The following ALPI variants were observed in gnomAD, a reference collection of about 807,000 sequenced individuals.
The protein encoded by ALPI is intestinal-type alkaline phosphatase.
In ALPI, 50 loss-of-function variants were observed where a neutral mutation model predicts 51.5. The ratio of observed to expected loss-of-function variants is 0.97; its 90% CI spans 0.77 to 1.23. ALPI has a LOEUF of 1.23. Ranked by LOEUF, ALPI falls within the 50% of genes most tolerant of loss-of-function variation. ALPI has a pLI of 0.00. For synonymous variants in ALPI, 322 were observed against 308.2 expected, an observed-to-expected ratio of 1.04 and a Z score of -0.47; for missense variants, 692 against 722.4, an observed-to-expected ratio of 0.96 and a Z score of 0.48.
Position 232,457,119 on chromosome 2 carries a change from G to A in ALPI, c.476-31G>A, listed in dbSNP as rs544909178. 19 of 1,613,326 alleles carry A rather than the reference G, an allele frequency of 1.2e-5. No homozygotes were observed. Among genetic ancestry groups the A allele is most frequent in the South Asian group, 8.8e-5 (8 of 91,066 alleles). On this transcript the variant is annotated intron_variant, in intron 4 of 10. Transcript: ENST00000295463. The surrounding 1 kb of genome is among the most constrained non-coding windows in gnomAD (Gnocchi z 4.7). ...GGGTCAGGACCAGGCCCAAGATCTC[G>A]GTCACCGATCCTGACCTCTGTCACC... is the stretch of plus-strand genomic sequence containing the variant.
Position 232,457,576 on chromosome 2 carries a change from C to G in ALPI, c.660C>G (p.Gly220=). 6.2e-7 allele frequency: 1 copy of G among 1,610,296 alleles called. No individual in the cohort carries two copies. The highest frequency in any genetic ancestry group is 8.5e-7 in the Non-Finnish European group (1 of 1,178,018). Residue 220 remains glycine, a synonymous_variant, in exon 6 of 11, where the codon GGC becomes GGG. Transcript: ENST00000295463. The surrounding 1 kb of genome is among the most constrained non-coding windows in gnomAD (Gnocchi z 4.7). ...ISNMDIDVIL[G]GGRKYMFPMG... is the part of the protein sequence containing the mutation. ...TCCATTGTCCTCAGGTGATCCTTGG[C>G]GGAGGCCGCAAGTACATGTTTCCCA...
Position 232,458,874 on chromosome 2 carries a change from C to T in ALPI, c.1315C>T (p.Gln439Ter), listed in dbSNP as rs200403345. The T allele has an allele frequency of 9.8e-5, 158 of 1,610,186 alleles. 1 individual carries two copies. The highest frequency in any genetic ancestry group is 1.5e-5 in the Non-Finnish European group (18 of 1,178,848). Residue 439 changes from glutamine (Q) to a stop codon, truncating the protein, a stop_gained, in exon 11 of 11, where the codon CAG becomes TAG. Transcript: ENST00000295463. LOFTEE classifies it low-confidence loss of function (END_TRUNC). ...NESESGSPDY[Q>*]QQAAVPLSSE... ...CCTCCTACCAGGGAGCCCCGATTAC[C>T]AGCAGCAGGCGGCGGTGCCCCTGTC...
In ALPI at chr2:232,458,224, C is replaced by T. The variant is rs1178192120; in HGVS notation, c.999C>T (p.Arg333=). 6.2e-7 allele frequency: 1 copy of T among 1,614,096 alleles called. No homozygotes were observed. Among genetic ancestry groups the T allele is most frequent in the African/African-American group, 1.3e-5 (1 of 75,050 alleles). ...RGFYLFVEGG[R]IDHGHHEGVA... Reference sequence around the variant, plus strand: ...CCTCTGGCCTTCCTGCAGGCGGCCGCATCGACCATGGTCATCATGAGGGTG... The same window carrying T: ...CCTCTGGCCTTCCTGCAGGCGGCCGTATCGACCATGGTCATCATGAGGGTG... The change falls in exon 9 of 11, where the codon CGC becomes CGT. Residue 333 remains arginine, a synonymous_variant. Coordinates refer to ENST00000295463, the MANE Select transcript of ALPI (RefSeq NM_001631.5).
Position 232,457,562 on chromosome 2 carries a change from C to G in ALPI, c.649-3C>G. On this transcript the variant is annotated splice_region_variant and splice_polypyrimidine_tract_variant and intron_variant, in intron 5 of 10. Transcript: ENST00000295463. This position sits in a 1 kb window ranked among gnomAD's most constrained non-coding sequence, Gnocchi z 4.7. ...AACCACCTGCCCCATCCATTGTCCTCAGGTGATCCTTGGCGGAGGCCGCAA... is the reference window on the plus strand; with the variant it reads ...AACCACCTGCCCCATCCATTGTCCTGAGGTGATCCTTGGCGGAGGCCGCAA... 6.2e-7 allele frequency: 1 copy of G among 1,606,482 alleles called. No homozygotes were observed. The highest frequency in any genetic ancestry group is 8.5e-7 in the Non-Finnish European group (1 of 1,176,040).
In ALPI at chr2:232,456,397, T is replaced by A; in HGVS notation, c.116T>A (p.Leu39Gln). Reference protein sequence around the residue: ...AFWNRQAAEALDAAKKLQPIQ... With the variant: ...AFWNRQAAEAQDAAKKLQPIQ... The stretch of plus-strand genomic sequence containing the variant: ...TGGAACCGCCAGGCAGCTGAGGCCC[T>A]GGATGCTGCCAAGAAGCTGCAGCCC... The change falls in exon 2 of 11, where the codon CTG becomes CAG. Residue 39 changes from leucine to glutamine, a missense_variant. Transcript: ENST00000295463. The surrounding 1 kb of genome is among the most constrained non-coding windows in gnomAD (Gnocchi z 4.2). 1 of 1,614,082 alleles carries A rather than the reference T, an allele frequency of 6.2e-7. No homozygotes were observed. The highest frequency in any genetic ancestry group is 8.5e-7 in the Non-Finnish European group (1 of 1,180,016).
Position 232,459,000 on chromosome 2 carries a change from A to G in ALPI, c.1441A>G (p.Met481Val). Residue 481 changes from methionine to valine, a missense_variant, in exon 11 of 11, where the codon ATG becomes GTG. By Grantham distance (21) the Met-to-Val change is conservative (BLOSUM62 1). Transcript: ENST00000295463. ...VQEQSFVAHV[M>V]AFAACLEPYT... is the part of the protein sequence containing the mutation. The stretch of plus-strand genomic sequence containing the variant: ...GGAGCAGAGCTTCGTAGCGCATGTC[A>G]TGGCCTTCGCTGCCTGTCTGGAGCC... 6.4e-7 allele frequency: 1 copy of G among 1,574,476 alleles called. No homozygotes were observed.
Position 232,459,088 on chromosome 2 carries a change from C to T in ALPI, c.1529C>T (p.Ala510Val). ...ACCGACGCCGCGCACCCAGTTGCCGCGTCGCTGCCACTGCTGGCCGGGACC... is the reference window on the plus strand; with the variant it reads ...ACCGACGCCGCGCACCCAGTTGCCGTGTCGCTGCCACTGCTGGCCGGGACC... ...CTTDAAHPVA[A>V]SLPLLAGTLL... The change falls in exon 11 of 11, where the codon GCG becomes GTG. Residue 510 changes from alanine to valine, a missense_variant. Coordinates refer to ENST00000295463, the MANE Select transcript of ALPI (RefSeq NM_001631.5). 4 of 1,542,158 alleles carry T rather than the reference C, an allele frequency of 2.6e-6. No individual in the cohort carries two copies. The highest frequency in any genetic ancestry group is 3.5e-6 in the Non-Finnish European group (4 of 1,146,512).
rs61732032 is a variant in ALPI at position 232,456,931 on chromosome 2, C to A, written c.333C>A (p.Ser111Arg). The change falls in exon 4 of 11, where the codon AGC becomes AGA. Residue 111 changes from serine to arginine, a missense_variant. Ser to Arg is a moderately radical substitution (Grantham distance 110). Coordinates refer to ENST00000295463, the MANE Select transcript of ALPI (RefSeq NM_001631.5). This position sits in a 1 kb window ranked among gnomAD's most constrained non-coding sequence, Gnocchi z 4.2. ...ATGTGGACAGACAGGTGCCAGACAG[C>A]GCAGCCACAGCCACGGCCTACCTGT... is the stretch of plus-strand genomic sequence containing the variant. ...TYNVDRQVPDSAATATAYLCG... is the reference protein window; with the variant it reads ...TYNVDRQVPDRAATATAYLCG... 1 of 1,613,442 alleles carries A rather than the reference C, an allele frequency of 6.2e-7. No individual in the cohort carries two copies. The highest frequency in any genetic ancestry group is 2.2e-5 in the East Asian group (1 of 44,854).
In ALPI at chr2:232,457,023, C is replaced by A. The variant is rs142255168; in HGVS notation, c.425C>A (p.Thr142Lys). Reference protein sequence around the residue: ...SAAARFNQCNTTRGNEVISVM... With the variant: ...SAAARFNQCNKTRGNEVISVM... Reference sequence around the variant, plus strand: ...GCCGCCCGCTTTAACCAGTGCAACACGACACGCGGCAATGAGGTCATCTCC... The same window carrying A: ...GCCGCCCGCTTTAACCAGTGCAACAAGACACGCGGCAATGAGGTCATCTCC... Residue 142 changes from threonine to lysine, a missense_variant, in exon 4 of 11, where the codon ACG (threonine) becomes AAG (lysine). Thr to Lys is a moderately conservative substitution (Grantham distance 78, BLOSUM62 -1). Coordinates refer to ENST00000295463, the MANE Select transcript of ALPI (RefSeq NM_001631.5). This position sits in a 1 kb window ranked among gnomAD's most constrained non-coding sequence, Gnocchi z 4.7. The A allele has an allele frequency of 1.9e-6, 3 of 1,613,612 alleles. No homozygotes were observed. Among genetic ancestry groups the A allele is most frequent in the East Asian group, 2.2e-5 (1 of 44,874 alleles).
Position 232,459,184 on chromosome 2 carries a change from G to A in ALPI, c.*38G>A. ...GGAGTTATCCTGCTCCCCACCTCCG[G>A]GCGTCCTGCCCTGTTCCCCGTCCTG... On this transcript the variant is annotated 3_prime_UTR_variant, in exon 11 of 11. Coordinates refer to ENST00000295463, the MANE Select transcript of ALPI (RefSeq NM_001631.5). 6 of 1,510,732 alleles carry A rather than the reference G, an allele frequency of 4.0e-6. No individual in the cohort carries two copies. The highest frequency in any genetic ancestry group is 5.3e-6 in the Non-Finnish European group (6 of 1,135,384). The allele number at this position is 1,510,732 out of a possible 1,614,324, so 93.6% of individuals were successfully genotyped here.
In ALPI at chr2:232,459,782, A is replaced by G. The variant is rs535145795; in HGVS notation, c.*636A>G. 7.9e-5 allele frequency: 12 copies of G among 152,706 alleles called. No homozygotes were observed. Among genetic ancestry groups the G allele is most frequent in the African/African-American group, 2.4e-4 (10 of 41,562 alleles). The allele number at this position is 152,706 out of a possible 1,614,324, so 9.5% of individuals were successfully genotyped here. A position where few individuals can be genotyped will look rare whatever the true frequency, so the allele number is the denominator to read the frequency against. Reference sequence around the variant, plus strand: ...ACCCCTGCACCTGACCAAGGGACCAATGAGGCAGAGGCTTGCCCCAAGTCA... The same window carrying G: ...ACCCCTGCACCTGACCAAGGGACCAGTGAGGCAGAGGCTTGCCCCAAGTCA... On this transcript the variant is annotated 3_prime_UTR_variant, in exon 11 of 11. Coordinates refer to ENST00000295463, the MANE Select transcript of ALPI (RefSeq NM_001631.5).
chr2:232,457,115 T>A lies in ALPI; in HGVS notation c.476-35T>A. 6.2e-7 allele frequency: 1 copy of A among 1,613,218 alleles called. No homozygotes were observed. Among genetic ancestry groups the A allele is most frequent in the South Asian group, 1.1e-5 (1 of 91,068 alleles). On this transcript the variant is annotated intron_variant, in intron 4 of 10. Transcript: ENST00000295463. The surrounding 1 kb of genome is among the most constrained non-coding windows in gnomAD (Gnocchi z 4.7). ...TGTGGGGTCAGGACCAGGCCCAAGATCTCGGTCACCGATCCTGACCTCTGT... is the reference window on the plus strand; with the variant it reads ...TGTGGGGTCAGGACCAGGCCCAAGAACTCGGTCACCGATCCTGACCTCTGT...
chr2:232,460,222 G>C lies in ALPI; in HGVS notation c.*1076G>C, dbSNP rs890423879. On this transcript the variant is annotated 3_prime_UTR_variant, in exon 11 of 11. Transcript: ENST00000295463. ...TGGGGCAGTGTCAGCAGGTGCTCTG[G>C]GAGGCCAAGGGCTGGATCAGAGGGG... Among the ~76,000 whole-genome samples the C allele has an allele frequency of 6.6e-6, 1 of 150,656 alleles. No homozygotes were observed. The highest frequency in any genetic ancestry group is 2.5e-5 in the African/African-American group (1 of 40,808).
In ALPI at chr2:232,457,887, C is replaced by T; in HGVS notation, c.856+20C>T. 1.2e-6 allele frequency: 2 copies of T among 1,613,532 alleles called. No homozygotes were observed. Among genetic ancestry groups the T allele is most frequent in the East Asian group, 2.2e-5 (1 of 44,864 alleles). ...TCATGGGTAATGACCCCCTTCCTGC[C>T]CTGGCATTCCTCAGACAACCTCAGA... On this transcript the variant is annotated intron_variant, in intron 7 of 10. Coordinates refer to ENST00000295463, the MANE Select transcript of ALPI (RefSeq NM_001631.5). This position sits in a 1 kb window ranked among gnomAD's most constrained non-coding sequence, Gnocchi z 4.7.
Position 232,458,758 on chromosome 2 carries a change from G to A in ALPI, c.1300+10G>A. 1.2e-6 allele frequency: 2 copies of A among 1,613,656 alleles called. No homozygotes were observed. Among genetic ancestry groups the A allele is most frequent in the Non-Finnish European group, 1.7e-6 (2 of 1,179,992 alleles). On this transcript the variant is annotated intron_variant, in intron 10 of 10. Coordinates refer to ENST00000295463, the MANE Select transcript of ALPI (RefSeq NM_001631.5). Reference sequence around the variant, plus strand: ...AATGAGAGCGAGAGCGGTGAGTGAGGCTGAATGGCCCGTGCAGGGGGACCA... The same window carrying A: ...AATGAGAGCGAGAGCGGTGAGTGAGACTGAATGGCCCGTGCAGGGGGACCA...
chr2:232,456,821 CA>C lies in ALPI; in HGVS notation c.301-77del. On this transcript the variant is annotated intron_variant, in intron 3 of 10. Coordinates refer to ENST00000295463, the MANE Select transcript of ALPI (RefSeq NM_001631.5). The surrounding 1 kb of genome is among the most constrained non-coding windows in gnomAD (Gnocchi z 4.2). Reference sequence around the variant, plus strand: ...TAGGAGCTGGGAGCAGTTAGGATCCCAGAGGACCAGAACCAGGTCCTTGGTT... The same window carrying C: ...TAGGAGCTGGGAGCAGTTAGGATCCCGAGGACCAGAACCAGGTCCTTGGTT... The C allele has an allele frequency of 6.3e-7, 1 of 1,583,974 alleles. No individual in the cohort carries two copies.
In ALPI at chr2:232,457,696, C is replaced by G; in HGVS notation, c.780C>G (p.His260Gln). The G allele has an allele frequency of 6.2e-7, 1 of 1,612,292 alleles. No individual in the cohort carries two copies. Among genetic ancestry groups the G allele is most frequent in the Non-Finnish European group, 8.5e-7 (1 of 1,178,812 alleles). ...KNLVQEWLAK[H>Q]QGAWYVWNRT... ...TGGTGCAGGAATGGCTGGCAAAGCA[C>G]CAGGTGATGGGGGCTGGTGGGTGTG... Residue 260 changes from histidine (H) to glutamine (Q), a missense_variant, in exon 6 of 11, where the codon CAC becomes CAG. Coordinates refer to ENST00000295463, the MANE Select transcript of ALPI (RefSeq NM_001631.5). The surrounding 1 kb of genome is among the most constrained non-coding windows in gnomAD (Gnocchi z 4.7).
rs752287804 is a variant in ALPI, at chr2:232,457,676, C to T, written c.760C>T (p.Gln254Ter). ...GIRLDGKNLV[Q>*]EWLAKHQGAW... is the part of the protein sequence containing the mutation. ...CAGGCTGGACGGGAAGAACCTGGTG[C>T]AGGAATGGCTGGCAAAGCACCAGGT... Residue 254 changes from glutamine to a stop codon, truncating the protein, a stop_gained, in exon 6 of 11, where the codon CAG (glutamine) becomes TAG (stop). Coordinates refer to ENST00000295463, the MANE Select transcript of ALPI (RefSeq NM_001631.5). LOFTEE classifies it high-confidence loss of function. The surrounding 1 kb of genome is among the most constrained non-coding windows in gnomAD (Gnocchi z 4.7). The T allele has an allele frequency of 1.2e-6, 2 of 1,613,286 alleles. No homozygotes were observed. The highest frequency in any genetic ancestry group is 1.7e-6 in the Non-Finnish European group (2 of 1,179,432).
rs1352723588 is a variant in ALPI at position 232,456,467 on chromosome 2, T to C, written c.184+2T>C. On this transcript the variant is annotated splice_donor_variant, in intron 2 of 10. Transcript: ENST00000295463. LOFTEE classifies it high-confidence loss of function. This position sits in a 1 kb window ranked among gnomAD's most constrained non-coding sequence, Gnocchi z 4.2. ...ACCTCATCCTCTTCCTGGGCGATGG[T>C]GAGTGAGCAAGGCCTGTCCAGCCCC... 1 of 1,613,878 alleles carries C rather than the reference T, an allele frequency of 6.2e-7. No individual in the cohort carries two copies. The highest frequency in any genetic ancestry group is 8.5e-7 in the Non-Finnish European group (1 of 1,179,976).
Sources: allele counts gnomAD v4.1 joint callset (sites outside exome capture counted in the v4.1 genomes callset), GRCh38; gene constraint gnomAD v4.1.1; non-coding constraint Gnocchi (gnomAD v3.1); transcripts MANE v1.5; gene names NCBI Gene and HGNC (gene_info 2026-07-23, HGNC 2026-07-21).